FKBP15: variants seen among roughly 807,000 people sequenced by gnomAD.
The protein encoded by FKBP15 is FK506-binding protein 15.
Under a neutral mutation model 158.1 loss-of-function variants are expected in FKBP15, and 106 were observed. The observed-to-expected ratio is 0.67, with a 90% CI of 0.57 to 0.79. FKBP15 has a LOEUF of 0.79. Ranked by LOEUF, FKBP15 falls within the 30% of genes least tolerant of loss-of-function variation. FKBP15 has a pLI of 0.00. For missense variants in FKBP15, 1,287 were observed against 1,479.1 expected (o/e 0.87, Z 2.13); for synonymous variants, 547 against 548.6 (o/e 1.00, Z 0.04).
At chr9:113,207,552 C>T (rs1587974084) in intron 2 of FKBP15, among the ~76,000 whole-genome samples, 2 of 151,828 alleles carry the variant, frequency 1.3e-5, no homozygotes, top group East Asian at 3.9e-4. Flanking sequence ...GTTGGACAGG[C>T]TGGTCTTGAA....
At chr9:113,188,527 G>A (rs376585615) in intron 12 of FKBP15, 36 bp from the exon 13 acceptor site, 39 of 1,556,786 alleles carry the variant, frequency 2.5e-5, no homozygotes, top group East Asian at 4.5e-5. Context: ...TACTCTGTAC[G>A]GGGTCCCTCA....
At position 113,169,639 on chromosome 9, in the gene FKBP15, A is replaced by G. The variant is rs1389760912; in HGVS notation, c.3070T>C (p.Ser1024Pro). 1 of 1,613,934 alleles carries G rather than the reference A, an allele frequency of 6.2e-7. No individual in the cohort carries two copies. Among genetic ancestry groups the G allele is most frequent in the East Asian group, 2.2e-5 (1 of 44,866 alleles). Residue 1024 changes from serine to proline, a missense_variant, in exon 26 of 28, where the codon TCC becomes CCC. Transcript: ENST00000238256. ...AEALSEIKDG[S>P]LPPELSCIPS... is the part of the protein sequence containing the mutation. ...ATGCAAGACAGTTCGGGTGGAAGGG[A>G]ACCATCTTTTATCTCTGAGAGTGCC...
In FKBP15 at chr9:113,161,372, A is replaced by C; in HGVS notation, c.*4706T>G. ...AAAAGTCTGGTGAAGACAGTGAAGA[A>C]GTTCGGAACTCAGCAAGGGTGGGGA... On this transcript the variant is annotated 3_prime_UTR_variant, in exon 28 of 28. Coordinates refer to ENST00000238256, the MANE Select transcript of FKBP15 (RefSeq NM_015258.2). 2 of 776,354 alleles carry C rather than the reference A, an allele frequency of 2.6e-6. No homozygotes were observed. Among genetic ancestry groups the C allele is most frequent in the Non-Finnish European group, 4.3e-6 (2 of 469,882 alleles). The allele number at this position is 776,354 out of a possible 1,614,324, so 48.1% of individuals were successfully genotyped here. A position where few individuals can be genotyped will look rare whatever the true frequency, so the allele number is the denominator to read the frequency against.
intron 20 of FKBP15, among the ~76,000 whole-genome samples, chr9:113,178,106 G>C (rs1177238552): frequency 6.6e-6 from 1 of 152,164 alleles, no homozygotes. Context: ...CCAGAGAATA[G>C]CATGGATAAG....
At chr9:113,187,963 G>A (rs768923023) in intron 13 of FKBP15, 64 bp from the exon 14 acceptor site, 1 of 1,149,784 alleles carries the variant, frequency 8.7e-7, no homozygotes, top group Non-Finnish European at 1.3e-6. Flanking sequence ...GTCTAGACTA[G>A]CACCTTACAT....
In FKBP15 at chr9:113,183,741, C is replaced by T. The variant is rs2118887536; in HGVS notation, c.1811+10G>A. 6.3e-7 allele frequency: 1 copy of T among 1,596,806 alleles called. No individual in the cohort carries two copies. Among genetic ancestry groups the T allele is most frequent in the Non-Finnish European group, 8.6e-7 (1 of 1,164,624 alleles). On this transcript the variant is annotated intron_variant, in intron 18 of 27. Transcript: ENST00000238256. Reference sequence around the variant, plus strand: ...TGTCCATCCTAGCCAGGCCCCGTACCTGTCATTACCTCTGATTTCGTTCAA... The same window carrying T: ...TGTCCATCCTAGCCAGGCCCCGTACTTGTCATTACCTCTGATTTCGTTCAA...
At position 113,163,124 on chromosome 9, in the gene FKBP15, C is replaced by G; in HGVS notation, c.*2954G>C. The stretch of plus-strand genomic sequence containing the variant: ...CTTCTCAGCCAGCCTACGTAGGGCC[C>G]AGGCATGGTCTTGTGTCTTAAGACA... On this transcript the variant is annotated 3_prime_UTR_variant, in exon 28 of 28. Transcript: ENST00000238256. 4.3e-6 allele frequency: 2 copies of G among 468,248 alleles called. 1 individual carries two copies. The highest frequency in any genetic ancestry group is 7.8e-5 in the Admixed American group (2 of 25,704). The allele number at this position is 468,248 out of a possible 1,614,324, so 29.0% of individuals were successfully genotyped here.
chr9:113,196,745 C>T (rs1587966590), intron 9 of FKBP15, among the ~76,000 whole-genome samples, 187 bp downstream of exon 9: 1 of 152,306 alleles, frequency 6.6e-6, no homozygotes, highest in Non-Finnish European at 1.5e-5. Context: ...CCAGGAAGGA[C>T]ATAATACTTT....
chr9:113,193,800 T>C (rs968036593), intron 10 of FKBP15, among the ~76,000 whole-genome samples: 6 of 152,240 alleles, frequency 3.9e-5, no homozygotes, highest in African/African-American at 1.4e-4. Context: ...GGCTTAGTTT[T>C]CTTCCAGAAT....
chr9:113,189,884 T>G (rs962142154), intron 12 of FKBP15, among the ~76,000 whole-genome samples: 3 of 152,192 alleles, frequency 2.0e-5, no homozygotes, highest in Admixed American at 2.0e-4. Flanking sequence ...TATAAAATAT[T>G]GATCAATATC....
At chr9:113,212,136 C>A (rs528461641) in intron 1 of FKBP15, among the ~76,000 whole-genome samples, 1 of 152,248 alleles carries the variant, frequency 6.6e-6, no homozygotes, top group East Asian at 1.9e-4. Context: ...GAAATCTTAT[C>A]CCCCACCATT....
intron 1 of FKBP15, among the ~76,000 whole-genome samples, chr9:113,218,140 T>C (rs979351463): frequency 6.6e-6 from 1 of 152,000 alleles, no homozygotes; most frequent in African/African-American, 2.4e-5. Flanking sequence ...TAAACAGAGA[T>C]TCTTTTTGTT....
At chr9:113,166,195 C>G in intron 27 of FKBP15, 40 bp from the exon 28 acceptor site, 1 of 1,553,126 alleles carries the variant, frequency 6.4e-7, no homozygotes, top group Non-Finnish European at 8.8e-7. Flanking sequence ...TCACTTGTGC[C>G]TGCACCACTG....
At chr9:113,183,053 A>G (rs1253769670) in intron 18 of FKBP15, among the ~76,000 whole-genome samples, 185 bp from the exon 19 acceptor site, 1 of 152,132 alleles carries the variant, frequency 6.6e-6, no homozygotes, top group African/African-American at 2.4e-5. Context: ...TGGAAGCAGG[A>G]ACCTGGGCCA....
rs1435004402 is a variant in FKBP15, at chr9:113,221,219, C to G, written c.25G>C (p.Asp9His). The G allele has an allele frequency of 6.2e-7, 1 of 1,609,862 alleles. No homozygotes were observed. Residue 9 changes from aspartate (D) to histidine (H), a missense_variant, in exon 1 of 28, where the codon GAC (aspartate) becomes CAC (histidine). Transcript: ENST00000238256. MFGAGDEDDTDFLSPSGGA... is the reference protein window; with the variant it reads MFGAGDEDHTDFLSPSGGA... ...CCGCTCGGCGAGAGGAAATCGGTGT[C>G]GTCCTCGTCCCCCGCACCGAACATT...
chr9:113,203,085 G>T, intron 4 of FKBP15, 50 bp from the exon 5 acceptor site: 1 of 1,246,738 alleles, frequency 8.0e-7, no homozygotes, highest in Non-Finnish European at 1.1e-6. Flanking sequence ...GACAGCAGAA[G>T]TTAAAAGGCA....
intron 14 of FKBP15, 196 bp from the exon 15 acceptor site, chr9:113,186,559 C>T (rs915294263): frequency 2.6e-5 from 14 of 541,926 alleles, no homozygotes; most frequent in Non-Finnish European, 4.3e-5. Flanking sequence ...CCAGGGGAAA[C>T]CAGTCACTAA....
intron 2 of FKBP15, among the ~76,000 whole-genome samples, chr9:113,207,858 C>T (rs1334355207): frequency 6.6e-6 from 1 of 152,176 alleles, no homozygotes; most frequent in Admixed American, 6.5e-5. Context: ...TCCCAACCCA[C>T]ACACCCCAAA....
rs200525617 is a variant in FKBP15 at position 113,187,896 on chromosome 9, G to C, written c.1280C>G (p.Pro427Arg). 2.3e-5 allele frequency: 37 copies of C among 1,612,750 alleles called. No individual in the cohort carries two copies. In the Admixed American group the frequency reaches 6.0e-4, roughly 26 times the overall value. The change falls in exon 14 of 28, where the codon CCT (proline) becomes CGT (arginine). Residue 427 changes from proline to arginine, a missense_variant. Pro to Arg is a moderately radical substitution (Grantham distance 103, BLOSUM62 -2). Transcript: ENST00000238256. ...CTGGAGCCCAGTAACAGATGGCTGA[G>C]GTGCTAAGATAAAGGGAGACATTTT... ...PALPQMTSQAPQPSVTGLQAP... is the reference protein window; with the variant it reads ...PALPQMTSQARQPSVTGLQAP...
Sources: gnomAD v4.1 joint callset for allele counts (sites outside exome capture counted in the v4.1 genomes callset) on GRCh38, gnomAD v4.1.1 for gene constraint, MANE v1.5 for transcripts, NCBI Gene and HGNC (gene_info 2026-07-23, HGNC 2026-07-21) for gene names.